ATP9B: variants seen among roughly 807,000 people sequenced by gnomAD.
ATP9B encodes the protein ATPase phospholipid transporting 9B.
In ATP9B, 110 loss-of-function variants were observed where a neutral mutation model predicts 146.1. The observed-to-expected ratio is 0.75, with a 90% CI of 0.65 to 0.88. The LOEUF (loss-of-function observed/expected upper bound fraction) is 0.88. Ranked by LOEUF, ATP9B falls within the 40% of genes least tolerant of loss-of-function variation. The probability of loss-of-function intolerance (pLI) is 0.00; values close to 1 mark genes in which losing one functional copy is unlikely to be tolerated. For missense variants in ATP9B, 1,499 were observed against 1,496.4 expected, an observed-to-expected ratio of 1.00 and a Z score of -0.03; for synonymous variants, 604 against 569.7, an observed-to-expected ratio of 1.06 and a Z score of -0.86.
intron 5 of ATP9B, among the ~76,000 whole-genome samples, chr18:79,142,699 A>G (rs921268270): frequency 2.6e-5 from 4 of 152,244 alleles, no homozygotes; most frequent in African/African-American, 9.6e-5. Flanking sequence ...TATAATATAA[A>G]TAAAAATAGC....
intron 12 of ATP9B, among the ~76,000 whole-genome samples, chr18:79,266,347 TTTTA>T (rs1276821564): frequency 3.3e-5 from 5 of 152,076 alleles, no homozygotes; most frequent in African/African-American, 1.2e-4. Flanking sequence ...ATCCTATTGA[TTTTA>T]TTTATTAATC....
intron 12 of ATP9B, among the ~76,000 whole-genome samples, chr18:79,262,259 A>AT (rs993506934): frequency 2.0e-5 from 3 of 151,890 alleles, no homozygotes; most frequent in Non-Finnish European, 4.4e-5. Flanking sequence ...TTTGTTTAGA[A>AT]TTTTTTTTAA....
At chr18:79,272,460 A>G (rs2096266015) in intron 12 of ATP9B, among the ~76,000 whole-genome samples, 1 of 150,038 alleles carries the variant, frequency 6.7e-6, no homozygotes, top group African/African-American at 2.5e-5. Flanking sequence ...AGCTCTCTCC[A>G]CTGAATCCTG....
rs372766701 is a variant in ATP9B, at chr18:79,377,403, G to A, written c.*20G>A. ...TCCTAAGGGGCTGTGCACCCCCAGCGGGCTGGCCCCAGCACCTTCTGCCCT... is the reference window on the plus strand; with the variant it reads ...TCCTAAGGGGCTGTGCACCCCCAGCAGGCTGGCCCCAGCACCTTCTGCCCT... On this transcript the variant is annotated 3_prime_UTR_variant, in exon 30 of 30. Coordinates refer to ENST00000426216, the MANE Select transcript of ATP9B (RefSeq NM_198531.5). 1.9e-5 allele frequency: 31 copies of A among 1,603,512 alleles called. No homozygotes were observed. The African/African-American group carries it at 2.9e-4, about 15-fold the overall frequency.
intron 26 of ATP9B, 73 bp downstream of exon 26, chr18:79,359,535 G>T: frequency 8.5e-7 from 1 of 1,170,082 alleles, no homozygotes; most frequent in South Asian, 1.3e-5. Flanking sequence ...GTGAGAAACA[G>T]GCCAGTCAGG....
intron 15 of ATP9B, among the ~76,000 whole-genome samples, chr18:79,314,786 T>C (rs2096670446): frequency 1.3e-5 from 2 of 152,234 alleles, no homozygotes; most frequent in Non-Finnish European, 2.9e-5. Context: ...GAATTAAAAT[T>C]CAGCCCTGTT....
At chr18:79,376,214 C>CACACATACACAAAAAAAA in intron 29 of ATP9B, 1 of 528,146 alleles carries the variant, frequency 1.9e-6, no homozygotes, top group African/African-American at 2.4e-5. Context: ...CACACACACA[C>CACACATACACAAAAAAAA]AAAACAAAAC....
At chr18:79,074,030 C>T (rs767945261) in intron 1 of ATP9B, among the ~76,000 whole-genome samples, 7 of 152,126 alleles carry the variant, frequency 4.6e-5, no homozygotes, top group South Asian at 4.1e-4. Flanking sequence ...TTTATTTTAG[C>T]GTGCAGCCAC....
At chr18:79,215,063 G>C (rs1034378772) in intron 11 of ATP9B, among the ~76,000 whole-genome samples, 1 of 149,870 alleles carries the variant, frequency 6.7e-6, no homozygotes, top group African/African-American at 2.5e-5. Flanking sequence ...CAGGAGGATA[G>C]CTCAAACCCG....
intron 13 of ATP9B, chr18:79,299,888 G>A (rs1352431092): frequency 6.6e-6 from 1 of 152,254 alleles, no homozygotes; most frequent in Non-Finnish European, 1.5e-5. Flanking sequence ...AGCTCCTGCT[G>A]CAGATGGGCA....
chr18:79,089,005 C>T (rs1442857092), intron 1 of ATP9B, among the ~76,000 whole-genome samples: 5 of 152,156 alleles, frequency 3.3e-5, no homozygotes, highest in African/African-American at 4.8e-5. Flanking sequence ...TTCTTTTTTA[C>T]ATTTGATAAG....
At chr18:79,185,226 A>T (rs1227119141) in intron 8 of ATP9B, among the ~76,000 whole-genome samples, 1 of 152,230 alleles carries the variant, frequency 6.6e-6, no homozygotes, top group Non-Finnish European at 1.5e-5. Context: ...CAGTTATTGC[A>T]TGGAAATCAC....
intron 6 of ATP9B, among the ~76,000 whole-genome samples, chr18:79,153,814 C>G (rs555923377): frequency 2.6e-5 from 4 of 152,004 alleles, no homozygotes; most frequent in Admixed American, 6.6e-5. Flanking sequence ...ACACTGGCTG[C>G]TTTTTAAACT....
chr18:79,141,238 C>T (rs1223129645), intron 5 of ATP9B, among the ~76,000 whole-genome samples: 1 of 152,120 alleles, frequency 6.6e-6, no homozygotes, highest in Non-Finnish European at 1.5e-5. Flanking sequence ...TCATTGCTGC[C>T]ACCATGTGAA....
At chr18:79,311,607 A>T (rs1054423168) in intron 15 of ATP9B, among the ~76,000 whole-genome samples, 1 of 152,244 alleles carries the variant, frequency 6.6e-6, no homozygotes, top group African/African-American at 2.4e-5. Flanking sequence ...TCTAACCAAA[A>T]TATACTAATT....
intron 1 of ATP9B, among the ~76,000 whole-genome samples, chr18:79,092,423 A>C (rs889246245): frequency 6.6e-6 from 1 of 152,200 alleles, no homozygotes; most frequent in Non-Finnish European, 1.5e-5. Flanking sequence ...AACATAAAAA[A>C]TCATACAGGA....
rs999486396 is a variant in ATP9B at position 79,268,785 on chromosome 18, C to T, written c.1269-8269C>T. On this transcript the variant is annotated intron_variant, in intron 12 of 29. Coordinates refer to ENST00000426216, the MANE Select transcript of ATP9B (RefSeq NM_198531.5). ...ATCTTAGAGTAGAGTAATTTGCCTT[C>T]TGTTAGAAATGTGTTCGCTTTTTGT... is the stretch of plus-strand genomic sequence containing the variant. 2.0e-5 allele frequency among the ~76,000 whole-genome samples: 3 copies of T among 152,322 alleles called. No homozygotes were observed. In the South Asian group the frequency reaches 6.2e-4, roughly 32 times the overall value.
At chr18:79,078,766 C>T (rs187715082) in intron 1 of ATP9B, among the ~76,000 whole-genome samples, 3 of 151,904 alleles carry the variant, frequency 2.0e-5, no homozygotes, top group Admixed American at 2.0e-4. Context: ...CACCTATCAA[C>T]CCATCATCTA....
intron 15 of ATP9B, chr18:79,307,445 C>T: frequency 1.6e-6 from 1 of 618,022 alleles, no homozygotes; most frequent in Non-Finnish European, 2.7e-6. Context: ...GTGCGGCCGC[C>T]ACATCTCGGC....
Sources: allele counts gnomAD v4.1 joint callset (sites outside exome capture counted in the v4.1 genomes callset), GRCh38; gene constraint gnomAD v4.1.1; transcripts MANE v1.5; gene names NCBI Gene and HGNC (gene_info 2026-07-23, HGNC 2026-07-21).